PRKCA: variants seen among roughly 807,000 people sequenced by gnomAD.
PRKCA encodes protein kinase C alpha.
PRKCA carries 27 observed loss-of-function variants against 87.0 expected under a neutral mutation model. That is an observed-to-expected ratio of 0.31 (90% CI 0.23 to 0.43). The LOEUF (loss-of-function observed/expected upper bound fraction) is 0.43, where lower values mean the gene tolerates loss of function less well. Among genes scored for constraint, PRKCA ranks in the 20% least tolerant of loss-of-function variants. PRKCA has a pLI of 1.00. For synonymous variants in PRKCA, 329 were observed against 311.1 expected (o/e 1.06, Z -0.61); for missense variants, 518 against 852.3 (o/e 0.61, Z 4.88).
chr17:66,359,479 G>A (rs1389954856), intron 2 of PRKCA, among the ~76,000 whole-genome samples: 1 of 152,172 alleles, frequency 6.6e-6, no homozygotes, highest in Non-Finnish European at 1.5e-5. Context: ...CAGAGATGTA[G>A]CATTGAGCAG....
chr17:66,313,834 G>A (rs1354484789), intron 2 of PRKCA, among the ~76,000 whole-genome samples: 5 of 152,288 alleles, frequency 3.3e-5, no homozygotes, highest in South Asian at 2.1e-4. Context: ...GCAAGTAAAT[G>A]TACATGAATG....
Position 66,675,262 on chromosome 17 carries a change from G to T in PRKCA, c.530-11849G>T, listed in dbSNP as rs76116961. On this transcript the variant is annotated intron_variant, in intron 5 of 16. Coordinates refer to ENST00000413366, the MANE Select transcript of PRKCA (RefSeq NM_002737.3). Reference sequence around the variant, plus strand: ...TGGAAGGGCAAACCAGCTCCCTTGGGCTTCTCTTATAAGGGCACTGATCCT... The same window carrying T: ...TGGAAGGGCAAACCAGCTCCCTTGGTCTTCTCTTATAAGGGCACTGATCCT... Among the ~76,000 whole-genome samples the T allele has an allele frequency of 6.3e-3, 954 of 152,276 alleles. 8 individuals carry two copies. The highest frequency in any genetic ancestry group is 0.01 in the Non-Finnish European group (708 of 68,018).
At chr17:66,664,527 G>C (rs1481865674) in intron 5 of PRKCA, among the ~76,000 whole-genome samples, 1 of 151,990 alleles carries the variant, frequency 6.6e-6, no homozygotes, top group African/African-American at 2.4e-5. Context: ...GATGATAAGA[G>C]GTATTGCCAG....
At chr17:66,360,478 GTCC>G (rs1908325358) in intron 2 of PRKCA, among the ~76,000 whole-genome samples, 1 of 152,206 alleles carries the variant, frequency 6.6e-6, no homozygotes. Context: ...GTCTGGGAAA[GTCC>G]TCTATTCCTT....
intron 3 of PRKCA, among the ~76,000 whole-genome samples, chr17:66,500,012 T>TA (rs1360615415): frequency 2.0e-5 from 3 of 152,238 alleles, no homozygotes; most frequent in East Asian, 3.9e-4. Flanking sequence ...GTGGGCCCTT[T>TA]AGGAGGTGAT....
Position 66,587,646 on chromosome 17 carries a change from CAT to C in PRKCA, c.289-53704_289-53703del, listed in dbSNP as rs146008337. Among the ~76,000 whole-genome samples the C allele has an allele frequency of 5.2e-3, 733 of 141,128 alleles. 12 individuals are homozygous for C. Among genetic ancestry groups the C allele is most frequent in the African/African-American group, 0.019 (648 of 33,250 alleles). 92.6% of individuals were successfully genotyped at this position (141,128 alleles called of 152,430 possible). ...GATATAGATATATAGATATATATAA[CAT>C]ATATGTGTGTGTATATATACATATA... is the stretch of plus-strand genomic sequence containing the variant. On this transcript the variant is annotated intron_variant, in intron 3 of 16. Transcript: ENST00000413366.
intron 2 of PRKCA, among the ~76,000 whole-genome samples, chr17:66,312,537 C>A (rs902445320): frequency 6.6e-6 from 1 of 152,132 alleles, no homozygotes; most frequent in Admixed American, 6.5e-5. Flanking sequence ...TTCAGACTTA[C>A]CTACAATGCT....
chr17:66,614,740 T>G (rs1970468659), intron 3 of PRKCA, among the ~76,000 whole-genome samples: 1 of 152,222 alleles, frequency 6.6e-6, no homozygotes, highest in Non-Finnish European at 1.5e-5. Flanking sequence ...TATGCTTTTC[T>G]TAAAGCTCTT....
chr17:66,648,042 C>T (rs1043651979), intron 5 of PRKCA, among the ~76,000 whole-genome samples: 1 of 152,094 alleles, frequency 6.6e-6, no homozygotes, highest in Admixed American at 6.5e-5. Context: ...CTGGGAAGTA[C>T]AAGATCGAGG....
intron 13 of PRKCA, among the ~76,000 whole-genome samples, chr17:66,765,418 C>CTATATG (rs1974778187): frequency 2.0e-5 from 1 of 49,310 alleles, no homozygotes; most frequent in African/African-American, 7.5e-5. Context: ...AAGACTTTGT[C>CTATATG]TATATATATA....
intron 13 of PRKCA, among the ~76,000 whole-genome samples, chr17:66,763,056 G>A (rs2144302181): frequency 6.6e-6 from 1 of 152,344 alleles, no homozygotes. Context: ...CTCCCAAAGT[G>A]CTGGGATTAC....
In PRKCA at chr17:66,465,667, T is replaced by A. The variant is rs75417393; in HGVS notation, c.206-30534T>A. On this transcript the variant is annotated intron_variant, in intron 2 of 16. Transcript: ENST00000413366. The stretch of plus-strand genomic sequence containing the variant: ...TCCCACCTTGGCCCCTCAAAAGTGT[T>A]GAGATTACAGAGGGGAGCCACTGTG... Among the ~76,000 whole-genome samples, 27 of 152,160 alleles carry A rather than the reference T, an allele frequency of 1.8e-4. No homozygotes were observed. The East Asian group carries it at 5.0e-3, about 28-fold the overall frequency.
At chr17:66,606,204 A>G (rs1279801251) in intron 3 of PRKCA, among the ~76,000 whole-genome samples, 2 of 152,170 alleles carry the variant, frequency 1.3e-5, no homozygotes, top group South Asian at 2.1e-4. Context: ...CCTGGCCAAC[A>G]TGGTGAAACC....
In PRKCA at chr17:66,562,226, TTA is replaced by T. The variant is rs575278311; in HGVS notation, c.288+65957_288+65958del. Among the ~76,000 whole-genome samples, 16 of 131,236 alleles carry T rather than the reference TTA, an allele frequency of 1.2e-4. 1 individual carries two copies. Among genetic ancestry groups the T allele is most frequent in the South Asian group, 2.4e-4 (1 of 4,242 alleles). 86.1% of individuals were successfully genotyped at this position (131,236 alleles called of 152,430 possible). ...ATATATATAATTAAATTATATATAA[TTA>T]TATATATATATATCTCACCACAATA... On this transcript the variant is annotated intron_variant, in intron 3 of 16. Transcript: ENST00000413366.
chr17:66,349,152 A>T (rs1907582636), intron 2 of PRKCA, among the ~76,000 whole-genome samples: 1 of 152,186 alleles, frequency 6.6e-6, no homozygotes, highest in African/African-American at 2.4e-5. Flanking sequence ...ATAATTTGAG[A>T]GTCAGCCTAA....
At chr17:66,417,802 C>T (rs1348438636) in intron 2 of PRKCA, among the ~76,000 whole-genome samples, 3 of 152,086 alleles carry the variant, frequency 2.0e-5, no homozygotes, top group Non-Finnish European at 2.9e-5. Flanking sequence ...ATTTAAATAT[C>T]GTTCTCTTCA....
At chr17:66,348,179 T>G (rs182450963) in intron 2 of PRKCA, among the ~76,000 whole-genome samples, 1 of 152,206 alleles carries the variant, frequency 6.6e-6, no homozygotes, top group East Asian at 1.9e-4. Context: ...TGGCCTCATG[T>G]GATCCACCTG....
intron 10 of PRKCA, among the ~76,000 whole-genome samples, chr17:66,736,272 TCA>T (rs1178477888): frequency 6.7e-6 from 1 of 148,946 alleles, no homozygotes; most frequent in Non-Finnish European, 1.5e-5. Context: ...ACAAAAAAAC[TCA>T]CAGTCTTGGC....
chr17:66,338,753 A>G (rs1251004399), intron 2 of PRKCA, among the ~76,000 whole-genome samples: 1 of 152,218 alleles, frequency 6.6e-6, no homozygotes, highest in Non-Finnish European at 1.5e-5. Flanking sequence ...ATAACCAACC[A>G]ATAAGATGTT....
Sources: allele counts gnomAD v4.1 joint callset (sites outside exome capture counted in the v4.1 genomes callset), GRCh38; gene constraint gnomAD v4.1.1; transcripts MANE v1.5; gene names NCBI Gene and HGNC (gene_info 2026-07-23, HGNC 2026-07-21).